The following VEZT variants were observed in gnomAD, a reference collection of about 807,000 sequenced individuals.
The protein encoded by VEZT is vezatin.
In VEZT, 39 loss-of-function variants were observed where a neutral mutation model predicts 79.9. That is an observed-to-expected ratio of 0.49 (90% CI 0.38 to 0.64). The LOEUF (loss-of-function observed/expected upper bound fraction) is 0.64, where lower values mean the gene tolerates loss of function less well. VEZT is among the 30% of genes least tolerant of loss of function. The pLI, the probability that VEZT is intolerant of heterozygous loss-of-function variation, is 0.00. For missense variants in VEZT, 837 were observed against 893.1 expected (o/e 0.94, Z 0.80); for synonymous variants, 325 against 327.6 (o/e 0.99, Z 0.09).
intron 7 of VEZT, among the ~76,000 whole-genome samples, chr12:95,280,479 TACACAC>T (rs34219058): frequency 0.19 from 22,038 of 117,598 alleles, 2,452 homozygotes; most frequent in Non-Finnish European, 0.27. Context: ...TACACACACA[TACACAC>T]ACACACACAC....
chr12:95,294,401 T>A, intron 10 of VEZT, 29 bp downstream of exon 10: 1 of 1,515,178 alleles, frequency 6.6e-7, no homozygotes, highest in Non-Finnish European at 9.0e-7. Flanking sequence ...GTTCTTTCCC[T>A]TGTTGGATTT....
Position 95,257,233 on chromosome 12 carries a change from C to G in VEZT, c.252C>G (p.His84Gln). 6.2e-7 allele frequency: 1 copy of G among 1,606,430 alleles called. No homozygotes were observed. Among genetic ancestry groups the G allele is most frequent in the South Asian group, 1.1e-5 (1 of 89,498 alleles). Residue 84 changes from histidine (H) to glutamine (Q), a missense_variant, in exon 3 of 12, where the codon CAC becomes CAG. Transcript: ENST00000436874. ...GCAATAAGAAAGATGACTTACTTCA[C>G]AAGTTGGTAAGTGGTCACTTCTTTT... is the stretch of plus-strand genomic sequence containing the variant. ...SQCNKKDDLL[H>Q]KLDIGFRLDS...
At chr12:95,263,464 A>G (rs1285382129) in intron 4 of VEZT, among the ~76,000 whole-genome samples, 4 of 152,164 alleles carry the variant, frequency 2.6e-5, no homozygotes, top group African/African-American at 9.7e-5. Flanking sequence ...AGCCTGGGCA[A>G]CGTAGCAAAA....
chr12:95,220,127 G>A (rs1230557053), intron 1 of VEZT, among the ~76,000 whole-genome samples: 1 of 152,158 alleles, frequency 6.6e-6, no homozygotes, highest in African/African-American at 2.4e-5. Context: ...ATTTTCACAT[G>A]TTGAGCACAC....
chr12:95,300,138 T>C, intron 11 of VEZT, 27 bp from the exon 12 acceptor site: 2 of 1,332,986 alleles, frequency 1.5e-6, no homozygotes, highest in Non-Finnish European at 2.0e-6. Flanking sequence ...GTTATTTTTT[T>C]TCTTTTTTCT....
chr12:95,268,912 T>G (rs1165756229), intron 5 of VEZT, among the ~76,000 whole-genome samples: 1 of 152,248 alleles, frequency 6.6e-6, no homozygotes, highest in Non-Finnish European at 1.5e-5. Flanking sequence ...GAATGCTGTT[T>G]TGTTTCTGAC....
chr12:95,259,971 G>T (rs985419765), intron 3 of VEZT, among the ~76,000 whole-genome samples: 4 of 151,978 alleles, frequency 2.6e-5, no homozygotes, highest in East Asian at 1.9e-4. Flanking sequence ...TCAGTATATA[G>T]TTCAAGTTTT....
intron 6 of VEZT, among the ~76,000 whole-genome samples, chr12:95,270,795 G>T (rs1566194457): frequency 6.6e-6 from 1 of 152,130 alleles, no homozygotes; most frequent in Non-Finnish European, 1.5e-5. Context: ...CCCAAAGACT[G>T]CATGACAATA....
chr12:95,298,900 T>A (rs1337198797), intron 11 of VEZT: 2 of 152,800 alleles, frequency 1.3e-5, no homozygotes, highest in Non-Finnish European at 2.9e-5. Context: ...CTATTGACAT[T>A]ATGGGAAAGA....
chr12:95,221,600 TG>T (rs1480315683), intron 1 of VEZT, among the ~76,000 whole-genome samples: 2 of 151,580 alleles, frequency 1.3e-5, no homozygotes, highest in African/African-American at 4.9e-5. Context: ...CCCAGCACTT[TG>T]GGAGGCTAAG....
rs2062663960 is a variant in VEZT, at chr12:95,251,870, TAA to T, written c.37-69_37-68del. 5 of 1,469,862 alleles carry T rather than the reference TAA, an allele frequency of 3.4e-6. No homozygotes were observed. The South Asian group carries it at 6.6e-5, about 19-fold the overall frequency. The allele number at this position is 1,469,862 out of a possible 1,614,324, so 91.1% of individuals were successfully genotyped here. A position where few individuals can be genotyped will look rare whatever the true frequency, so the allele number is the denominator to read the frequency against. Reference sequence around the variant, plus strand: ...TGGTCACAATAGTGAAGTCTGGTATTAAGTTTGGCCCCCGAAACTTTTGAAGT... The same window carrying T: ...TGGTCACAATAGTGAAGTCTGGTATTGTTTGGCCCCCGAAACTTTTGAAGT... On this transcript the variant is annotated intron_variant, in intron 1 of 11. Coordinates refer to ENST00000436874, the MANE Select transcript of VEZT (RefSeq NM_017599.4).
At chr12:95,299,118 G>C (rs2074800489) in intron 11 of VEZT, 1 of 154,830 alleles carries the variant, frequency 6.5e-6, no homozygotes. Context: ...TGGAATTAGA[G>C]GGGGAAAGTC....
Position 95,274,744 on chromosome 12 carries a change from A to G in VEZT, c.851A>G (p.Tyr284Cys). Residue 284 changes from tyrosine (Y) to cysteine (C), a missense_variant and splice_region_variant, in exon 7 of 12, where the codon TAC (tyrosine) becomes TGC (cysteine). By Grantham distance (194) the Tyr-to-Cys change is radical. Transcript: ENST00000436874. Reference sequence around the variant, plus strand: ...TGATTGCCTTAACCTAATTTAACCTACCCCCTGAACTCTGAGAGTGACAAT... The same window carrying G: ...TGATTGCCTTAACCTAATTTAACCTGCCCCCTGAACTCTGAGAGTGACAAT... ...RLATLYMLKNYPLNSESDNVT... is the reference protein window; with the variant it reads ...RLATLYMLKNCPLNSESDNVT... 6.2e-7 allele frequency: 1 copy of G among 1,608,794 alleles called. No homozygotes were observed. Among genetic ancestry groups the G allele is most frequent in the Non-Finnish European group, 8.5e-7 (1 of 1,178,064 alleles).
At position 95,289,095 on chromosome 12, in the gene VEZT, AAT is replaced by A. The variant is rs1354719345; in HGVS notation, c.1522+1240_1522+1241del. Among the ~76,000 whole-genome samples, 7 of 143,700 alleles carry A rather than the reference AAT, an allele frequency of 4.9e-5. 1 individual carries two copies. The highest frequency in any genetic ancestry group is 1.1e-4 in the Non-Finnish European group (7 of 64,728). 94.3% of individuals were successfully genotyped at this position (143,700 alleles called of 152,430 possible). A position where few individuals can be genotyped will look rare whatever the true frequency, so the allele number is the denominator to read the frequency against. On this transcript the variant is annotated intron_variant, in intron 9 of 11. Transcript: ENST00000436874. ...AGACTCCGTCTCAAAAAAAAAAATA[AAT>A]AAATAAATAAATAAATAAATAAATA...
intron 9 of VEZT, among the ~76,000 whole-genome samples, chr12:95,291,777 A>T (rs1216028418): frequency 6.6e-6 from 1 of 152,112 alleles, no homozygotes; most frequent in Admixed American, 6.6e-5. Context: ...GGTTTTTAAA[A>T]TTTTTTTAGG....
intron 1 of VEZT, among the ~76,000 whole-genome samples, chr12:95,243,193 G>A (rs1044749718): frequency 1.1e-4 from 17 of 151,870 alleles, no homozygotes; most frequent in African/African-American, 4.1e-4. Context: ...GGGCAACCTG[G>A]TGAAACCCCA....
intron 11 of VEZT, among the ~76,000 whole-genome samples, chr12:95,297,562 T>C (rs1031236320): frequency 1.3e-5 from 2 of 152,182 alleles, no homozygotes; most frequent in African/African-American, 4.8e-5. Context: ...CCATTTTCAG[T>C]ACTTTTTTCT....
chr12:95,246,311 C>T lies in VEZT; in HGVS notation c.37-5629C>T, dbSNP rs1024541730. On this transcript the variant is annotated intron_variant, in intron 1 of 11. Coordinates refer to ENST00000436874, the MANE Select transcript of VEZT (RefSeq NM_017599.4). The stretch of plus-strand genomic sequence containing the variant: ...CTAATTTCTGTGTTTTTAGTAGAGA[C>T]GGGGTTTCACCATGTTGGCCAAACT... Among the ~76,000 whole-genome samples the T allele has an allele frequency of 2.6e-5, 4 of 151,904 alleles. No homozygotes were observed. The South Asian group carries it at 6.2e-4, about 24-fold the overall frequency.
chr12:95,283,544 A>G (rs1280269305), intron 8 of VEZT, among the ~76,000 whole-genome samples: 1 of 152,230 alleles, frequency 6.6e-6, no homozygotes, highest in East Asian at 1.9e-4. Context: ...TGTAAATAAG[A>G]ATGGGTCAAA....
Sources: gnomAD v4.1 joint callset for allele counts (sites outside exome capture counted in the v4.1 genomes callset) on GRCh38, gnomAD v4.1.1 for gene constraint, MANE v1.5 for transcripts, NCBI Gene and HGNC (gene_info 2026-07-23, HGNC 2026-07-21) for gene names.